The following FXN variants were observed in gnomAD, a reference collection of about 807,000 sequenced individuals.
FXN encodes frataxin, mitochondrial.
Under a neutral mutation model 22.4 loss-of-function variants are expected in FXN, and 14 were observed. The observed-to-expected ratio is 0.62, with a 90% CI of 0.41 to 0.98. The LOEUF (loss-of-function observed/expected upper bound fraction) is 0.98. Among genes scored for constraint, FXN ranks in the 50% least tolerant of loss-of-function variants. FXN has a pLI of 0.00. For synonymous variants in FXN, 120 were observed against 114.1 expected (o/e 1.05, Z -0.33); for missense variants, 267 against 268.4 (o/e 0.99, Z 0.04).
At chr9:69,052,398 C>T (rs1328470537) in intron 2 of FXN, among the ~76,000 whole-genome samples, 1 of 152,116 alleles carries the variant, frequency 6.6e-6, no homozygotes, top group Non-Finnish European at 1.5e-5. Context: ...AGGTGAGCCA[C>T]CTACCTCGGC....
In FXN at chr9:69,035,923, T is replaced by G. The variant is rs1202974994; in HGVS notation, c.141T>G (p.Asp47Glu). The G allele has an allele frequency of 8.8e-6, 13 of 1,472,882 alleles. No homozygotes were observed. Among genetic ancestry groups the G allele is most frequent in the Non-Finnish European group, 1.2e-5 (13 of 1,117,680 alleles). 91.2% of individuals were successfully genotyped at this position (1,472,882 alleles called of 1,614,324 possible). A position where few individuals can be genotyped will look rare whatever the true frequency, so the allele number is the denominator to read the frequency against. ...GCCGTGGCCTGCGCACCGACATCGA[T>G]GCGACCTGCACGCCCCGCCGCGCAG... Reference protein sequence around the residue: ...CGRRGLRTDIDATCTPRRASS... With the variant: ...CGRRGLRTDIEATCTPRRASS... Residue 47 changes from aspartate (D) to glutamate (E), a missense_variant, in exon 1 of 5, where the codon GAT becomes GAG. By Grantham distance (45) the Asp-to-Glu change is conservative. Transcript: ENST00000484259.
chr9:69,054,012 CTTG>C (rs1564333880), intron 3 of FXN, among the ~76,000 whole-genome samples: 1 of 151,992 alleles, frequency 6.6e-6, no homozygotes, highest in Non-Finnish European at 1.5e-5. Flanking sequence ...AGTATGAGAA[CTTG>C]TTTTTTTTTG....
rs1356547679 is a variant in FXN at position 69,078,961 on chromosome 9, T to C, written c.*6199T>C. On this transcript the variant is annotated 3_prime_UTR_variant, in exon 5 of 5. Transcript: ENST00000484259. ...ATGTGTCTCCTTTGTTGACTGCTGT[T>C]GCCCTAGCATCTTGCACAGTTCCTT... The C allele has an allele frequency of 1.1e-6, 1 of 927,520 alleles. No homozygotes were observed. The allele number at this position is 927,520 out of a possible 1,614,324, so 57.5% of individuals were successfully genotyped here.
In FXN at chr9:69,062,349, G is replaced by A. The variant is rs571817699; in HGVS notation, c.385-2589G>A. On this transcript the variant is annotated intron_variant, in intron 3 of 4. Transcript: ENST00000484259. ...TGGTCTTGAACTCCTGGGCCCAAGC[G>A]ATCCTCCCTCCTTGGGCTCCCGAAG... Among the ~76,000 whole-genome samples, 13 of 152,208 alleles carry A rather than the reference G, an allele frequency of 8.5e-5. No individual in the cohort carries two copies. The South Asian group carries it at 2.3e-3, about 27-fold the overall frequency.
At chr9:69,060,940 G>A (rs1334619008) in intron 3 of FXN, among the ~76,000 whole-genome samples, 2 of 152,168 alleles carry the variant, frequency 1.3e-5, no homozygotes, top group Non-Finnish European at 2.9e-5. Flanking sequence ...AAGCAGTCAG[G>A]CAGCTCTGAA....
Position 69,046,504 on chromosome 9 carries a change from G to A in FXN, c.263+22G>A, listed in dbSNP as rs139410576. 1.1e-4 allele frequency: 164 copies of A among 1,522,814 alleles called. No homozygotes were observed. The African/African-American group carries it at 1.6e-3, about 15-fold the overall frequency. The allele number at this position is 1,522,814 out of a possible 1,614,324, so 94.3% of individuals were successfully genotyped here. A position where few individuals can be genotyped will look rare whatever the true frequency, so the allele number is the denominator to read the frequency against. ...CAGGGTAAGATAAAACACCTTCCACGTCATAGGTATCTTCCTCTCTCCTTC... is the reference window on the plus strand; with the variant it reads ...CAGGGTAAGATAAAACACCTTCCACATCATAGGTATCTTCCTCTCTCCTTC... On this transcript the variant is annotated intron_variant, in intron 2 of 4. Transcript: ENST00000484259.
At position 69,075,768 on chromosome 9, in the gene FXN, G is replaced by T. The variant is rs6560541; in HGVS notation, c.*3006G>T. On this transcript the variant is annotated 3_prime_UTR_variant, in exon 5 of 5. Transcript: ENST00000484259. ...TTTTTTGAGACAGGATCTCACTTTGGCACTCAGGCTGGAGGACAGTGGTAC... is the reference window on the plus strand; with the variant it reads ...TTTTTTGAGACAGGATCTCACTTTGTCACTCAGGCTGGAGGACAGTGGTAC... 1 allele frequency: 943,060 copies of T among 944,776 alleles called. 470,693 individuals are homozygous for T. Among genetic ancestry groups the T allele is most frequent in the East Asian group, 1 (8,590 of 8,590 alleles). 58.5% of individuals were successfully genotyped at this position (944,776 alleles called of 1,614,324 possible). A position where few individuals can be genotyped will look rare whatever the true frequency, so the allele number is the denominator to read the frequency against.
chr9:69,068,042 A>G (rs750633153), intron 4 of FXN, among the ~76,000 whole-genome samples: 2 of 131,418 alleles, frequency 1.5e-5, no homozygotes, highest in Non-Finnish European at 1.8e-5. Flanking sequence ...AAGGAGCTCA[A>G]TCTAGCAAGG....
intron 4 of FXN, among the ~76,000 whole-genome samples, chr9:69,067,435 A>C (rs909971471): frequency 6.6e-6 from 1 of 152,236 alleles, no homozygotes; most frequent in African/African-American, 2.4e-5. Context: ...ATGACCAGAC[A>C]CACGGTTATG....
intron 1 of FXN, among the ~76,000 whole-genome samples, chr9:69,037,420 C>T (rs1464327043): frequency 1.3e-5 from 2 of 151,844 alleles, no homozygotes; most frequent in Non-Finnish European, 2.9e-5. Flanking sequence ...AAGCCAAGAT[C>T]GCCCAATGCA....
chr9:69,051,500 A>G (rs1831849822), intron 2 of FXN, among the ~76,000 whole-genome samples: 2 of 152,118 alleles, frequency 1.3e-5, no homozygotes, highest in South Asian at 4.1e-4. Context: ...GTCTTTCAGT[A>G]AGTAAAATGA....
chr9:69,037,304 A>AGAAGAAGAAGAAGAAGAAGAAG (rs58850165), intron 1 of FXN, among the ~76,000 whole-genome samples: 2 of 148,104 alleles, frequency 1.4e-5, no homozygotes, highest in African/African-American at 2.5e-5. Context: ...AAGAAGAAGA[A>AGAAGAAGAAGAAGAAGAAGAAG]AATAAAGAAA....
chr9:69,072,764 GC>G lies in FXN; in HGVS notation c.*5del. ...GCCTATTCCGGAAAAGATGCTTGAT[GC>G]CCAGCCCCGTTTTAAGGACATTAAA... On this transcript the variant is annotated 3_prime_UTR_variant, in exon 5 of 5. Transcript: ENST00000484259. 6.2e-7 allele frequency: 1 copy of G among 1,614,118 alleles called. No individual in the cohort carries two copies. Among genetic ancestry groups the G allele is most frequent in the Non-Finnish European group, 8.5e-7 (1 of 1,180,022 alleles).
At chr9:69,069,443 C>T (rs767074416) in intron 4 of FXN, among the ~76,000 whole-genome samples, 2 of 152,202 alleles carry the variant, frequency 1.3e-5, no homozygotes, top group African/African-American at 2.4e-5. Context: ...CTGGCCTCCT[C>T]GTGCTAAGCG....
chr9:69,038,360 C>T (rs1831599481), intron 1 of FXN, among the ~76,000 whole-genome samples: 1 of 152,146 alleles, frequency 6.6e-6, no homozygotes, highest in Non-Finnish European at 1.5e-5. Flanking sequence ...CCCTTTTCTC[C>T]ACCCCTTGCA....
chr9:69,059,850 T>G (rs944028829), intron 3 of FXN, among the ~76,000 whole-genome samples: 1 of 152,184 alleles, frequency 6.6e-6, no homozygotes, highest in East Asian at 1.9e-4. Context: ...GACATTAACC[T>G]CCTCTCTTCA....
At position 69,076,584 on chromosome 9, in the gene FXN, T is replaced by C; in HGVS notation, c.*3822T>C. 1 of 985,476 alleles carries C rather than the reference T, an allele frequency of 1.0e-6. No homozygotes were observed. The highest frequency in any genetic ancestry group is 1.2e-6 in the Non-Finnish European group (1 of 829,940). 61.0% of individuals were successfully genotyped at this position (985,476 alleles called of 1,614,324 possible). A position where few individuals can be genotyped will look rare whatever the true frequency, so the allele number is the denominator to read the frequency against. On this transcript the variant is annotated 3_prime_UTR_variant, in exon 5 of 5. Transcript: ENST00000484259. ...ATTAAATTATAGGTTTACAATATGC[T>C]TTATCCAGCTATACCTGCCCCAAAT...
intron 1 of FXN, among the ~76,000 whole-genome samples, chr9:69,037,149 C>A (rs773140020): frequency 6.6e-6 from 1 of 151,628 alleles, no homozygotes; most frequent in Non-Finnish European, 1.5e-5. Context: ...CCTGGCAGGA[C>A]GCGGTGGCTC....
intron 3 of FXN, among the ~76,000 whole-genome samples, chr9:69,058,929 G>A (rs12238862): frequency 0.067 from 10,165 of 152,088 alleles, 449 homozygotes; most frequent in African/African-American, 0.12. Flanking sequence ...TTAGCCGGGC[G>A]TGGTGGCAGG....
Sources: allele counts gnomAD v4.1 joint callset (sites outside exome capture counted in the v4.1 genomes callset), GRCh38; gene constraint gnomAD v4.1.1; transcripts MANE v1.5; gene names NCBI Gene and HGNC (gene_info 2026-07-23, HGNC 2026-07-21).